TRPM3: variants seen among roughly 807,000 people sequenced by gnomAD.
The protein encoded by TRPM3 is long transient receptor potential channel 3.
In TRPM3, 77 loss-of-function variants were observed where a neutral mutation model predicts 181.2. The observed-to-expected ratio is 0.42, with a 90% CI of 0.35 to 0.51. The LOEUF is 0.51. Ranked by LOEUF, TRPM3 falls within the 20% of genes least tolerant of loss-of-function variation. TRPM3 has a pLI of 0.01. For missense variants in TRPM3, 1,759 were observed against 2,196.7 expected (o/e 0.80, Z 3.98); for synonymous variants, 745 against 796.4 (o/e 0.94, Z 1.09).
chr9:70,884,068 G>A (rs1381559014), intron 1 of TRPM3, among the ~76,000 whole-genome samples: 1 of 152,028 alleles, frequency 6.6e-6, no homozygotes, highest in Non-Finnish European at 1.5e-5. Context: ...GTTCATCTAA[G>A]GGAATTTCAT....
intron 1 of TRPM3, among the ~76,000 whole-genome samples, chr9:71,191,343 G>T (rs186910011): frequency 2.0e-5 from 3 of 151,682 alleles, no homozygotes; most frequent in African/African-American, 7.3e-5. Flanking sequence ...AAAGACAAAC[G>T]CTGCCCACCC....
chr9:70,988,556 T>C (rs950622418), intron 1 of TRPM3, among the ~76,000 whole-genome samples: 10 of 152,178 alleles, frequency 6.6e-5, no homozygotes, highest in Non-Finnish European at 1.5e-4. Flanking sequence ...AATTTTAAGA[T>C]GGGCCTCCAA....
chr9:71,156,144 CT>C (rs1316875796), intron 1 of TRPM3, among the ~76,000 whole-genome samples: 1 of 151,852 alleles, frequency 6.6e-6, no homozygotes, highest in Non-Finnish European at 1.5e-5. Flanking sequence ...GTTCTTTGAC[CT>C]AATAGGTAGA....
intron 1 of TRPM3, among the ~76,000 whole-genome samples, chr9:71,153,140 T>C (rs2075820862): frequency 1.3e-5 from 2 of 152,124 alleles, no homozygotes; most frequent in South Asian, 4.2e-4. Context: ...CATCAGATCA[T>C]CTTGGTAATG....
intron 1 of TRPM3, among the ~76,000 whole-genome samples, chr9:71,251,507 C>T (rs2082340634): frequency 6.6e-6 from 1 of 152,016 alleles, no homozygotes; most frequent in Non-Finnish European, 1.5e-5. Context: ...AATATTAATT[C>T]ATTGTACCAC....
chr9:70,935,891 T>A (rs1589897566), intron 1 of TRPM3, among the ~76,000 whole-genome samples: 1 of 152,212 alleles, frequency 6.6e-6, no homozygotes, highest in Non-Finnish European at 1.5e-5. Context: ...TAGTCTGCTT[T>A]AAAGCTTCAA....
chr9:70,651,667 A>G (rs918748004), intron 9 of TRPM3, among the ~76,000 whole-genome samples: 13 of 152,004 alleles, frequency 8.6e-5, no homozygotes, highest in Non-Finnish European at 1.9e-4. Context: ...CCCTGCTTTC[A>G]CCCCTTCCTC....
intron 1 of TRPM3, among the ~76,000 whole-genome samples, chr9:70,987,568 A>G (rs1170135609): frequency 3.3e-5 from 5 of 152,134 alleles, no homozygotes; most frequent in Admixed American, 2.0e-4. Context: ...TTTAATGGCA[A>G]AAACCGCAAT....
chr9:70,866,907 G>A (rs2095661463), intron 1 of TRPM3, among the ~76,000 whole-genome samples: 1 of 151,972 alleles, frequency 6.6e-6, no homozygotes, highest in South Asian at 2.1e-4. Context: ...TAAAGCCAGG[G>A]TTTGAACTTG....
At chr9:71,225,370 A>G (rs1039447849) in intron 1 of TRPM3, among the ~76,000 whole-genome samples, 22 of 152,306 alleles carry the variant, frequency 1.4e-4, no homozygotes, top group African/African-American at 4.8e-4. Flanking sequence ...CTAGAATAGT[A>G]TATCTAGTAA....
At chr9:70,978,213 A>T (rs778910214) in intron 1 of TRPM3, among the ~76,000 whole-genome samples, 1 of 152,202 alleles carries the variant, frequency 6.6e-6, no homozygotes, top group South Asian at 2.1e-4. Flanking sequence ...CGTATTTCTT[A>T]TAATTACATC....
intron 1 of TRPM3, among the ~76,000 whole-genome samples, chr9:71,328,227 G>GCC (rs2089847995): frequency 3.3e-5 from 5 of 152,104 alleles, no homozygotes; most frequent in African/African-American, 1.2e-4. Context: ...TGCAGTGGCT[G>GCC]ATCTCAGCTC....
intron 8 of TRPM3, among the ~76,000 whole-genome samples, chr9:70,686,162 G>A (rs914072155): frequency 8.6e-5 from 13 of 151,244 alleles, no homozygotes; most frequent in East Asian, 3.9e-4. Flanking sequence ...ACACACATAC[G>A]TATGTAAAAC....
At chr9:71,420,619 CAG>C (rs1403104883) in intron 1 of TRPM3, among the ~76,000 whole-genome samples, 1 of 84,886 alleles carries the variant, frequency 1.2e-5, no homozygotes, top group Non-Finnish European at 2.5e-5. Context: ...GAAAGAAAGA[CAG>C]AAAAAGAAAA....
chr9:70,679,574 T>G lies in TRPM3; in HGVS notation c.1345+1932A>C, dbSNP rs545959405. On this transcript the variant is annotated intron_variant, in intron 9 of 25. Coordinates refer to ENST00000677713, the MANE Select transcript of TRPM3 (RefSeq NM_001366145.2). ...CAGTGGGAAAGGGATGCGTTTTTTATCTCCATACATAAGTGAGGGCTATGG... is the reference window on the plus strand; with the variant it reads ...CAGTGGGAAAGGGATGCGTTTTTTAGCTCCATACATAAGTGAGGGCTATGG... 3.7e-4 allele frequency among the ~76,000 whole-genome samples: 57 copies of G among 152,290 alleles called. No homozygotes were observed. The South Asian group carries it at 0.012, about 31-fold the overall frequency.
chr9:70,980,816 C>A (rs2097356373), intron 1 of TRPM3, among the ~76,000 whole-genome samples: 1 of 152,160 alleles, frequency 6.6e-6, no homozygotes, highest in African/African-American at 2.4e-5. Context: ...GTGCTTTGTG[C>A]TGTTTTCGCC....
chr9:71,309,638 T>A (rs2087728589), intron 1 of TRPM3, among the ~76,000 whole-genome samples: 1 of 152,170 alleles, frequency 6.6e-6, no homozygotes, highest in Non-Finnish European at 1.5e-5. Context: ...AATGGGCACA[T>A]GAATAACACT....
At chr9:70,576,988 T>C (rs1456834237) in intron 22 of TRPM3, among the ~76,000 whole-genome samples, 3 of 152,212 alleles carry the variant, frequency 2.0e-5, no homozygotes, top group African/African-American at 7.2e-5. Flanking sequence ...CTCAACGTTA[T>C]CTCTTCAAGC....
At chr9:71,263,477 AC>A (rs1202149158) in intron 1 of TRPM3, among the ~76,000 whole-genome samples, 1 of 152,098 alleles carries the variant, frequency 6.6e-6, no homozygotes, top group Non-Finnish European at 1.5e-5. Context: ...TCATCTTCCA[AC>A]CTTTTGAGCA....
Sources: allele counts gnomAD v4.1 joint callset (sites outside exome capture counted in the v4.1 genomes callset), GRCh38; gene constraint gnomAD v4.1.1; transcripts MANE v1.5; gene names NCBI Gene and HGNC (gene_info 2026-07-23, HGNC 2026-07-21).